The following SLC24A2 variants were observed in gnomAD, a reference collection of about 807,000 sequenced individuals.
SLC24A2 encodes the protein sodium/potassium/calcium exchanger 2.
A neutral mutation model predicts 62.0 loss-of-function variants in SLC24A2; 36 were observed. The ratio of observed to expected loss-of-function variants is 0.58; its 90% CI spans 0.44 to 0.77. The LOEUF (loss-of-function observed/expected upper bound fraction) is 0.77. Among genes scored for constraint, SLC24A2 ranks in the 30% least tolerant of loss-of-function variants. SLC24A2 has a pLI of 0.00. For missense variants in SLC24A2, 846 were observed against 817.9 expected (o/e 1.03, Z -0.42); for synonymous variants, 358 against 294.0 (o/e 1.22, Z -2.23).
At chr9:19,630,987 C>G (rs1818163292) in intron 2 of SLC24A2, among the ~76,000 whole-genome samples, 1 of 152,158 alleles carries the variant, frequency 6.6e-6, no homozygotes, top group Non-Finnish European at 1.5e-5. Flanking sequence ...CACTGCCTGG[C>G]TACTTCCACA....
the SLC24A2 span, among the ~76,000 whole-genome samples, chr9:20,089,048 G>T: frequency 6.6e-6 from 1 of 152,148 alleles, no homozygotes; most frequent in Non-Finnish European, 1.5e-5. Context: ...TGGGTCTCCA[G>T]CCATCCCCTG....
At chr9:19,729,735 C>A (rs970552144) in intron 2 of SLC24A2, among the ~76,000 whole-genome samples, 1 of 151,776 alleles carries the variant, frequency 6.6e-6, no homozygotes, top group Admixed American at 6.6e-5. Flanking sequence ...GAAGGGAGGG[C>A]TAGAGAGAGA....
At chr9:19,846,818 G>A in the SLC24A2 span, among the ~76,000 whole-genome samples, 1 of 152,062 alleles carries the variant, frequency 6.6e-6, no homozygotes, top group Non-Finnish European at 1.5e-5. Context: ...CTTGAGCCCA[G>A]TAGTTCAGTA....
chr9:20,177,513 A>G, the SLC24A2 span, among the ~76,000 whole-genome samples: 2 of 152,096 alleles, frequency 1.3e-5, no homozygotes, highest in African/African-American at 4.8e-5. Context: ...ATTTAGGTAG[A>G]GGTGTTGACC....
At chr9:20,276,607 C>T in the SLC24A2 span, among the ~76,000 whole-genome samples, 2 of 152,280 alleles carry the variant, frequency 1.3e-5, no homozygotes, top group East Asian at 3.9e-4. Flanking sequence ...TGGGGAGTGC[C>T]CTAGTGGGGA....
chr9:20,029,247 A>G, the SLC24A2 span, among the ~76,000 whole-genome samples: 1 of 152,116 alleles, frequency 6.6e-6, no homozygotes, highest in Admixed American at 6.5e-5. Flanking sequence ...TGGCTGGGGG[A>G]CAGCAGCCTT....
At chr9:20,077,844 G>GA in the SLC24A2 span, among the ~76,000 whole-genome samples, 70 of 151,494 alleles carry the variant, frequency 4.6e-4, no homozygotes, top group African/African-American at 1.2e-3. Flanking sequence ...CCGCGATAGT[G>GA]AAAAAAAATA....
At position 19,516,419 on chromosome 9, in the gene SLC24A2, C is replaced by G; in HGVS notation, c.1737-17G>C. On this transcript the variant is annotated splice_polypyrimidine_tract_variant and intron_variant, in intron 10 of 10. Coordinates refer to ENST00000341998, the MANE Select transcript of SLC24A2 (RefSeq NM_020344.4). ...AGTGGGAGCCTGTGCAGAAGTGAAG[C>G]AGGGCAGAGGGGAGTGGGAAGACAA... The G allele has an allele frequency of 3.7e-6, 6 of 1,612,924 alleles. No homozygotes were observed. Among genetic ancestry groups the G allele is most frequent in the Non-Finnish European group, 5.1e-6 (6 of 1,179,756 alleles).
the SLC24A2 span, among the ~76,000 whole-genome samples, chr9:20,047,169 G>T: frequency 6.6e-6 from 1 of 152,100 alleles, no homozygotes. Flanking sequence ...TGACATGAAG[G>T]CCCAAGGGAA....
At chr9:20,300,359 T>C in the SLC24A2 span, among the ~76,000 whole-genome samples, 6 of 152,320 alleles carry the variant, frequency 3.9e-5, no homozygotes, top group South Asian at 8.3e-4. Context: ...CTTTGAAAAA[T>C]AGTCACTTAG....
At chr9:19,594,514 G>C (rs1394924714) in intron 5 of SLC24A2, among the ~76,000 whole-genome samples, 1 of 152,038 alleles carries the variant, frequency 6.6e-6, no homozygotes, top group Non-Finnish European at 1.5e-5. Flanking sequence ...ACAAAAAAAT[G>C]ACCCAGGCTT....
the SLC24A2 span, among the ~76,000 whole-genome samples, chr9:20,099,540 A>C: frequency 1.3e-5 from 2 of 152,282 alleles, no homozygotes; most frequent in East Asian, 1.9e-4. Flanking sequence ...TTTTTAACAA[A>C]AAAAAAGTAG....
chr9:19,688,425 C>T (rs1353375215), intron 2 of SLC24A2, among the ~76,000 whole-genome samples: 3 of 152,238 alleles, frequency 2.0e-5, no homozygotes, highest in Admixed American at 2.0e-4. Flanking sequence ...ACTTACTACA[C>T]ATTTGTTAAT....
chr9:19,934,513 C>A, the SLC24A2 span, among the ~76,000 whole-genome samples: 9 of 152,188 alleles, frequency 5.9e-5, no homozygotes, highest in African/African-American at 2.2e-4. The surrounding 1 kb of genome is among the most constrained non-coding windows in gnomAD (Gnocchi z 4.1). Context: ...CGCGCACCCC[C>A]GTTCCGGCCC....
chr9:20,088,397 C>T, the SLC24A2 span, among the ~76,000 whole-genome samples: 2 of 152,128 alleles, frequency 1.3e-5, no homozygotes, highest in Non-Finnish European at 2.9e-5. Context: ...GGGACTGGAG[C>T]AGTCCTCCGA....
chr9:19,772,739 C>G (rs1423410631), intron 2 of SLC24A2, among the ~76,000 whole-genome samples: 1 of 152,114 alleles, frequency 6.6e-6, no homozygotes, highest in Non-Finnish European at 1.5e-5. Flanking sequence ...AACTCTCATA[C>G]ACACAGGAAA....
the SLC24A2 span, among the ~76,000 whole-genome samples, chr9:20,166,597 A>G: frequency 2.6e-5 from 4 of 152,024 alleles, no homozygotes; most frequent in East Asian, 1.9e-4. Context: ...GAAAATGCAG[A>G]TATCTGCTTA....
chr9:19,534,431 A>G (rs1398584239), intron 8 of SLC24A2, among the ~76,000 whole-genome samples: 1 of 152,132 alleles, frequency 6.6e-6, no homozygotes, highest in Non-Finnish European at 1.5e-5. Flanking sequence ...TTAGGTATAC[A>G]TGTGCCATGG....
the SLC24A2 span, among the ~76,000 whole-genome samples, chr9:20,118,531 C>G: frequency 1.3e-5 from 2 of 152,104 alleles, no homozygotes; most frequent in African/African-American, 4.8e-5. Context: ...ACTATTGATG[C>G]TGTTCTTAAG....
Sources: allele counts gnomAD v4.1 joint callset (sites outside exome capture counted in the v4.1 genomes callset), GRCh38; gene constraint gnomAD v4.1.1; non-coding constraint Gnocchi (gnomAD v3.1); transcripts MANE v1.5; gene names NCBI Gene and HGNC (gene_info 2026-07-23, HGNC 2026-07-21).